SH3BGRL: variants seen among roughly 807,000 people sequenced by gnomAD.
SH3BGRL encodes the protein adapter SH3BGRL.
In SH3BGRL, 7 loss-of-function variants were observed where a neutral mutation model predicts 9.8. That is an observed-to-expected ratio of 0.72 (90% CI 0.41 to 1.35). The LOEUF (loss-of-function observed/expected upper bound fraction) is 1.35, where lower values mean the gene tolerates loss of function less well. Ranked by LOEUF, SH3BGRL falls within the 40% of genes most tolerant of loss-of-function variation. SH3BGRL has a pLI of 0.01. For missense variants in SH3BGRL, 73 were observed against 84.4 expected (o/e 0.86, Z 0.53); for synonymous variants, 36 against 29.1 (o/e 1.24, Z -0.76).
chrX:81,202,390 T>C, intron 1 of SH3BGRL, 145 bp downstream of exon 1: 1 of 1,014,393 alleles, frequency 9.9e-7, no homozygotes, highest in Non-Finnish European at 1.2e-6. Context: ...CTTCTTCCCT[T>C]TTTTCCCTTT....
intron 1 of SH3BGRL, among the ~76,000 whole-genome samples, chrX:81,265,212 C>A: frequency 1.0e-5 from 1 of 99,404 alleles, no homozygotes; most frequent in South Asian, 5.3e-4. Flanking sequence ...TTTTTTTTTT[C>A]TTTTTTTTAA....
intron 1 of SH3BGRL, among the ~76,000 whole-genome samples, chrX:81,244,689 T>C (rs2075682497): frequency 9.0e-6 from 1 of 111,548 alleles, no homozygotes; most frequent in Non-Finnish European, 1.9e-5. Flanking sequence ...CAGACACATG[T>C]GCAGAATGTG....
chrX:81,297,325 G>A lies in SH3BGRL; in HGVS notation c.*98G>A, dbSNP rs962413986. ...TTGCTTCAAAAGAAATAGGCTTAAT[G>A]TTGAAATAATAGATTAGTTGGGTTT... On this transcript the variant is annotated 3_prime_UTR_variant, in exon 4 of 4. Coordinates refer to ENST00000373212, the MANE Select transcript of SH3BGRL (RefSeq NM_003022.3). 5 of 659,304 alleles carry A rather than the reference G, an allele frequency of 7.6e-6. No homozygotes were observed. The highest frequency in any genetic ancestry group is 1.1e-5 in the Non-Finnish European group (5 of 437,964). The allele number at this position is 659,304 out of a possible 1,213,427, so 54.3% of individuals were successfully genotyped here. A position where few individuals can be genotyped will look rare whatever the true frequency, so the allele number is the denominator to read the frequency against.
intron 1 of SH3BGRL, among the ~76,000 whole-genome samples, chrX:81,230,377 G>A (rs1329269888): frequency 8.9e-6 from 1 of 111,968 alleles, no homozygotes; most frequent in East Asian, 2.8e-4. Flanking sequence ...TAAGTGCCAG[G>A]AAGTAAGAGG....
intron 1 of SH3BGRL, 86 bp from the exon 2 acceptor site, chrX:81,276,898 T>C (rs1466413965): frequency 2.2e-5 from 17 of 784,743 alleles, no homozygotes; most frequent in Non-Finnish European, 3.1e-5. Flanking sequence ...ACAATCTTTG[T>C]TCTGTCTGAA....
intron 3 of SH3BGRL, among the ~76,000 whole-genome samples, chrX:81,292,170 T>G (rs1256212654): frequency 1.8e-5 from 2 of 111,945 alleles, no homozygotes; most frequent in Admixed American, 1.9e-4. Context: ...CCAGTAGAGG[T>G]TCTGCATGAG....
chrX:81,273,169 C>T (rs1164357088), intron 1 of SH3BGRL, among the ~76,000 whole-genome samples: 4 of 111,946 alleles, frequency 3.6e-5, no homozygotes, highest in Non-Finnish European at 7.5e-5. Context: ...TTCACCAGAA[C>T]TATAGATTGT....
chrX:81,283,247 G>C (rs1348084800), intron 3 of SH3BGRL, among the ~76,000 whole-genome samples: 1 of 111,412 alleles, frequency 9.0e-6, no homozygotes, highest in Non-Finnish European at 1.9e-5. Context: ...TTTCAAAGAA[G>C]AATTAATACC....
At chrX:81,249,640 C>G (rs1165257994) in intron 1 of SH3BGRL, among the ~76,000 whole-genome samples, 1 of 112,022 alleles carries the variant, frequency 8.9e-6, no homozygotes, top group East Asian at 2.8e-4. Flanking sequence ...TTTTTGTCTT[C>G]TCTTGTAGTC....
chrX:81,210,391 G>A (rs2075559625), intron 1 of SH3BGRL, among the ~76,000 whole-genome samples: 1 of 111,321 alleles, frequency 9.0e-6, no homozygotes, highest in South Asian at 3.7e-4. Flanking sequence ...AGGAAGACAA[G>A]CATATATAAT....
At chrX:81,280,982 A>G (rs1439730595) in intron 3 of SH3BGRL, among the ~76,000 whole-genome samples, 1 of 111,390 alleles carries the variant, frequency 9.0e-6, no homozygotes, top group Non-Finnish European at 1.9e-5. Context: ...AAAAAACAAT[A>G]AAAAATTCAG....
intron 1 of SH3BGRL, among the ~76,000 whole-genome samples, chrX:81,225,465 G>A (rs2075613988): frequency 9.0e-6 from 1 of 110,690 alleles, no homozygotes; most frequent in African/African-American, 3.3e-5. Flanking sequence ...GCATGACTAT[G>A]TGTATTCTTT....
In SH3BGRL at chrX:81,237,213, A is replaced by C. The variant is rs1394402723; in HGVS notation, c.45+34968A>C. The stretch of plus-strand genomic sequence containing the variant: ...ACAACTATCTACATGCACACACACA[A>C]AAGCTTCATCAATTTAACAACTATC... On this transcript the variant is annotated intron_variant, in intron 1 of 3. Transcript: ENST00000373212. The C allele has an allele frequency of 1.3e-5, 5 of 376,127 alleles. No homozygotes were observed. In the Admixed American group the frequency reaches 1.6e-4, roughly 12 times the overall value. The allele number at this position is 376,127 out of a possible 1,213,427, so 31.0% of individuals were successfully genotyped here. A position where few individuals can be genotyped will look rare whatever the true frequency, so the allele number is the denominator to read the frequency against.
At chrX:81,204,500 C>CT (rs1417392471) in intron 1 of SH3BGRL, among the ~76,000 whole-genome samples, 3 of 111,294 alleles carry the variant, frequency 2.7e-5, no homozygotes, top group Non-Finnish European at 5.7e-5. Flanking sequence ...CAATAAGTGA[C>CT]TAAGTTTAGT....
chrX:81,237,084 G>A (rs1328345099), intron 1 of SH3BGRL: 2 of 916,736 alleles, frequency 2.2e-6, no homozygotes, highest in East Asian at 7.6e-5. Flanking sequence ...GTCAAGTAAT[G>A]TTATTGAATT....
At chrX:81,273,893 A>C (rs1420276549) in intron 1 of SH3BGRL, among the ~76,000 whole-genome samples, 1 of 111,476 alleles carries the variant, frequency 9.0e-6, no homozygotes, top group Non-Finnish European at 1.9e-5. Flanking sequence ...ACAATTGTTT[A>C]ATGTACCTGC....
chrX:81,265,598 C>T (rs188755431), intron 1 of SH3BGRL, among the ~76,000 whole-genome samples: 64 of 111,909 alleles, frequency 5.7e-4, no homozygotes, highest in African/African-American at 1.8e-3. Flanking sequence ...TTTTCTTAAT[C>T]CAGTCTATCA....
intron 1 of SH3BGRL, among the ~76,000 whole-genome samples, chrX:81,256,311 C>T (rs2075725206): frequency 8.9e-6 from 1 of 111,877 alleles, no homozygotes; most frequent in South Asian, 3.7e-4. Flanking sequence ...AGCAATTTTA[C>T]AATTTGGCAG....
At chrX:81,210,451 G>A (rs977407142) in intron 1 of SH3BGRL, among the ~76,000 whole-genome samples, 12 of 111,512 alleles carry the variant, frequency 1.1e-4, no homozygotes, top group African/African-American at 3.9e-4. Context: ...AATTTCTCAT[G>A]CAAATTGTCA....
Sources: gnomAD v4.1 joint callset for allele counts (sites outside exome capture counted in the v4.1 genomes callset) on GRCh38, gnomAD v4.1.1 for gene constraint, MANE v1.5 for transcripts, NCBI Gene and HGNC (gene_info 2026-07-23, HGNC 2026-07-21) for gene names.